The following GAB1 variants were observed in gnomAD, a reference collection of about 807,000 sequenced individuals.
GAB1 encodes the protein GRB2-associated-binding protein 1.
GAB1 carries 19 observed loss-of-function variants against 66.5 expected under a neutral mutation model. The observed-to-expected ratio is 0.29, with a 90% CI of 0.20 to 0.42. GAB1 has a LOEUF of 0.42. Ranked by LOEUF, GAB1 falls within the 10% of genes least tolerant of loss-of-function variation. The pLI, the probability that GAB1 is intolerant of heterozygous loss-of-function variation, is 1.00. For synonymous variants in GAB1, 294 were observed against 301.4 expected (o/e 0.98, Z 0.25); for missense variants, 732 against 858.5 (o/e 0.85, Z 1.84).
intron 1 of GAB1, among the ~76,000 whole-genome samples, chr4:143,348,971 C>T (rs1729082002): frequency 1.3e-5 from 2 of 152,334 alleles, no homozygotes; most frequent in East Asian, 1.9e-4. Flanking sequence ...ACTCCACCAC[C>T]ACTGCCACAT....
chr4:143,342,522 A>C (rs1218838235), intron 1 of GAB1, among the ~76,000 whole-genome samples: 1 of 151,234 alleles, frequency 6.6e-6, no homozygotes, highest in Non-Finnish European at 1.5e-5. Flanking sequence ...CAGACTGAGA[A>C]AGTTTCAGAG....
At position 143,435,044 on chromosome 4, in the gene GAB1, G is replaced by A. The variant is rs573750018; in HGVS notation, c.593+1328G>A. Among the ~76,000 whole-genome samples, 7 of 151,974 alleles carry A rather than the reference G, an allele frequency of 4.6e-5. No individual in the cohort carries two copies. The East Asian group carries it at 1.2e-3, about 25-fold the overall frequency. The stretch of plus-strand genomic sequence containing the variant: ...ATATTTCTTTATAGACATGAAAAAT[G>A]TTTTTTTAAACAAGATTATAATTAA... On this transcript the variant is annotated intron_variant, in intron 3 of 9. Transcript: ENST00000262994.
intron 2 of GAB1, among the ~76,000 whole-genome samples, chr4:143,427,268 T>C (rs1295609036): frequency 2.0e-5 from 3 of 152,118 alleles, no homozygotes; most frequent in Admixed American, 6.5e-5. Context: ...TCTTAACTTT[T>C]TCTTGCTGAC....
intron 6 of GAB1, among the ~76,000 whole-genome samples, chr4:143,458,434 A>G (rs573477717): frequency 2.6e-5 from 4 of 152,180 alleles, no homozygotes; most frequent in Non-Finnish European, 5.9e-5. Context: ...ATGGACAAAG[A>G]CTATAAATAA....
intron 1 of GAB1, among the ~76,000 whole-genome samples, chr4:143,342,102 A>T (rs1305950713): frequency 2.6e-5 from 4 of 152,232 alleles, no homozygotes; most frequent in Non-Finnish European, 5.9e-5. Flanking sequence ...GAGATCATCA[A>T]CTTGCAATTA....
intron 2 of GAB1, chr4:143,425,959 A>G (rs1733330764): frequency 7.4e-6 from 6 of 815,284 alleles, no homozygotes; most frequent in Middle Eastern, 3.4e-4. Context: ...CTTAAGCAAC[A>G]TGGAAAATAA....
At chr4:143,454,900 C>CT (rs28925922) in intron 6 of GAB1, among the ~76,000 whole-genome samples, 4,548 of 148,990 alleles carry the variant, frequency 0.031, 228 homozygotes, top group African/African-American at 0.11. Context: ...GTTTCTCTCT[C>CT]TTTTTTTTTT....
intron 1 of GAB1, among the ~76,000 whole-genome samples, chr4:143,350,825 G>A (rs1729176672): frequency 2.6e-5 from 4 of 152,156 alleles, no homozygotes. Flanking sequence ...TCTATGAGCT[G>A]TTTGACTACT....
chr4:143,382,022 A>G (rs1730677839), intron 1 of GAB1: 1 of 152,232 alleles, frequency 6.6e-6, no homozygotes, highest in Admixed American at 6.5e-5. Flanking sequence ...TAGGCCGCTC[A>G]CATGAAAGGT....
rs1245577640 is a variant in GAB1, at chr4:143,423,820, A to G, written c.367+8049A>G. Among the ~76,000 whole-genome samples the G allele has an allele frequency of 9.8e-4, 104 of 106,574 alleles. 7 individuals carry two copies. The highest frequency in any genetic ancestry group is 3.3e-3 in the African/African-American group (100 of 30,632). The allele number at this position is 106,574 out of a possible 152,430, so 69.9% of individuals were successfully genotyped here. A position where few individuals can be genotyped will look rare whatever the true frequency, so the allele number is the denominator to read the frequency against. On this transcript the variant is annotated intron_variant, in intron 2 of 9. Transcript: ENST00000262994. ...TATATATATATATATATATATATAT[A>G]TATATATATATATATATGTCTTCAC...
At chr4:143,466,270 A>G in intron 9 of GAB1, 45 bp downstream of exon 9, 1 of 1,584,518 alleles carries the variant, frequency 6.3e-7, no homozygotes, top group Non-Finnish European at 8.6e-7. Flanking sequence ...CAGTTAGTTC[A>G]CACTTCAAAC....
chr4:143,451,469 CAG>C (rs1486532507), intron 6 of GAB1, among the ~76,000 whole-genome samples: 4 of 152,026 alleles, frequency 2.6e-5, no homozygotes, highest in Non-Finnish European at 5.9e-5. Flanking sequence ...GAATTTTATG[CAG>C]GCACATAAAC....
intron 1 of GAB1, among the ~76,000 whole-genome samples, chr4:143,411,163 G>A (rs899485746): frequency 6.6e-6 from 1 of 152,146 alleles, no homozygotes; most frequent in Non-Finnish European, 1.5e-5. Context: ...GGCGGGAGTT[G>A]ATTGGAGGGT....
intron 1 of GAB1, among the ~76,000 whole-genome samples, chr4:143,391,929 G>A (rs537642873): frequency 5.3e-5 from 8 of 152,148 alleles, no homozygotes; most frequent in East Asian, 1.9e-4. Flanking sequence ...ACCTCCTTAC[G>A]TTACTTTATT....
chr4:143,408,792 C>T (rs1732202919), intron 1 of GAB1, among the ~76,000 whole-genome samples: 3 of 152,152 alleles, frequency 2.0e-5, no homozygotes, highest in African/African-American at 7.2e-5. Context: ...AAAGAAGTCA[C>T]AATAATGGTC....
chr4:143,373,045 AC>A (rs1730208877), intron 1 of GAB1, among the ~76,000 whole-genome samples: 2 of 30,278 alleles, frequency 6.6e-5, no homozygotes, highest in African/African-American at 3.2e-4. Context: ...TCCTTTAAAA[AC>A]ACACACACAC....
intron 4 of GAB1, 79 bp downstream of exon 4, chr4:143,438,679 GTAGT>G: frequency 7.0e-7 from 1 of 1,423,616 alleles, no homozygotes; most frequent in Non-Finnish European, 9.6e-7. Context: ...TCTTTTAAGC[GTAGT>G]TAAATATACT....
intron 6 of GAB1, among the ~76,000 whole-genome samples, chr4:143,448,461 ATT>A (rs1350620025): frequency 4.0e-5 from 6 of 151,812 alleles, no homozygotes; most frequent in Non-Finnish European, 7.3e-5. Context: ...TATTGCCACA[ATT>A]TCAGATTCTG....
At chr4:143,428,310 C>T (rs565810153) in intron 2 of GAB1, among the ~76,000 whole-genome samples, 41 of 152,214 alleles carry the variant, frequency 2.7e-4, no homozygotes, top group African/African-American at 9.6e-4. Context: ...GTTGTATGGA[C>T]TCTATATCAT....
Sources: allele counts gnomAD v4.1 joint callset (sites outside exome capture counted in the v4.1 genomes callset), GRCh38; gene constraint gnomAD v4.1.1; transcripts MANE v1.5; gene names NCBI Gene and HGNC (gene_info 2026-07-23, HGNC 2026-07-21).